BORCS5: variants seen among roughly 807,000 people sequenced by gnomAD.
The protein encoded by BORCS5 is BLOC-1-related complex subunit 5.
A neutral mutation model predicts 22.1 loss-of-function variants in BORCS5; 17 were observed. That is an observed-to-expected ratio of 0.77 (90% CI 0.53 to 1.15). The LOEUF is 1.15. BORCS5 is among the 50% of genes most tolerant of loss of function. The probability of loss-of-function intolerance (pLI) is 0.00; values close to 1 mark genes in which losing one functional copy is unlikely to be tolerated. For missense variants in BORCS5, 247 were observed against 253.2 expected (o/e 0.98, Z 0.17); for synonymous variants, 117 against 99.8 (o/e 1.17, Z -1.03).
At chr12:12,448,359 G>T (rs1049366718) in intron 3 of BORCS5, among the ~76,000 whole-genome samples, 1 of 152,046 alleles carries the variant, frequency 6.6e-6, no homozygotes, top group Non-Finnish European at 1.5e-5. Flanking sequence ...GGGATTACAG[G>T]TGCCTGCCAC....
At chr12:12,367,147 AG>A (rs1387858524) in intron 2 of BORCS5, among the ~76,000 whole-genome samples, 1 of 152,258 alleles carries the variant, frequency 6.6e-6, no homozygotes, top group Non-Finnish European at 1.5e-5. Flanking sequence ...TGGAACATTG[AG>A]AACTGGAACC....
chr12:12,438,407 T>A (rs1451364041), intron 3 of BORCS5, among the ~76,000 whole-genome samples: 2 of 133,506 alleles, frequency 1.5e-5, no homozygotes, highest in Non-Finnish European at 3.2e-5. Context: ...AAACCTCTAA[T>A]CCATATCTGT....
intron 3 of BORCS5, among the ~76,000 whole-genome samples, chr12:12,439,495 A>G (rs1035561541): frequency 5.3e-5 from 8 of 151,886 alleles, no homozygotes; most frequent in African/African-American, 1.9e-4. Flanking sequence ...ACAAACAGGC[A>G]TGGTGGTGCG....
chr12:12,368,281 G>T (rs201423854), intron 2 of BORCS5, among the ~76,000 whole-genome samples: 2,984 of 129,590 alleles, frequency 0.023, 106 homozygotes, highest in East Asian at 0.18. Flanking sequence ...ATTCTGTTTT[G>T]TTTTTTTTTT....
At chr12:12,389,937 C>T (rs530731089) in intron 2 of BORCS5, among the ~76,000 whole-genome samples, 1 of 152,230 alleles carries the variant, frequency 6.6e-6, no homozygotes, top group East Asian at 1.9e-4. Context: ...AGGCACTGCG[C>T]CTGGCCTCAA....
chr12:12,454,635 A>G (rs1942967655), intron 3 of BORCS5, among the ~76,000 whole-genome samples: 1 of 152,228 alleles, frequency 6.6e-6, no homozygotes, highest in Non-Finnish European at 1.5e-5. Context: ...TTTATATAAA[A>G]TATGTAGCAG....
At chr12:12,388,795 G>C (rs1285226024) in intron 2 of BORCS5, among the ~76,000 whole-genome samples, 1 of 151,150 alleles carries the variant, frequency 6.6e-6, no homozygotes, top group East Asian at 1.9e-4. Context: ...TACTGGAAGA[G>C]ATTGAAACAG....
At chr12:12,411,253 A>T (rs1941724856) in intron 2 of BORCS5, among the ~76,000 whole-genome samples, 1 of 152,200 alleles carries the variant, frequency 6.6e-6, no homozygotes, top group Admixed American at 6.5e-5. Flanking sequence ...CGGAACTTCC[A>T]ACACTATGTT....
chr12:12,427,919 C>T (rs1193668440), intron 2 of BORCS5, among the ~76,000 whole-genome samples: 1 of 152,206 alleles, frequency 6.6e-6, no homozygotes, highest in South Asian at 2.1e-4. Context: ...TCCCCACCTC[C>T]TAATACCATT....
intron 2 of BORCS5, among the ~76,000 whole-genome samples, chr12:12,422,677 A>G (rs1365183056): frequency 1.3e-5 from 2 of 152,176 alleles, no homozygotes; most frequent in Non-Finnish European, 2.9e-5. Context: ...TTCATAACAT[A>G]GAAAAACTCT....
chr12:12,452,995 G>A lies in BORCS5; in HGVS notation c.361-12551G>A, dbSNP rs75987313. Among the ~76,000 whole-genome samples the A allele has an allele frequency of 1.9e-3, 288 of 152,276 alleles. 1 individual carries two copies. The highest frequency in any genetic ancestry group is 6.6e-3 in the African/African-American group (276 of 41,550). On this transcript the variant is annotated intron_variant, in intron 3 of 3. Coordinates refer to ENST00000314565, the MANE Select transcript of BORCS5 (RefSeq NM_058169.6). Reference sequence around the variant, plus strand: ...TGTGGCAATGGGCCTCCTACTCTTCGGAGTGGAGACAGCTAATACCATGAG... The same window carrying A: ...TGTGGCAATGGGCCTCCTACTCTTCAGAGTGGAGACAGCTAATACCATGAG...
chr12:12,443,957 C>T (rs1307703094), intron 3 of BORCS5, among the ~76,000 whole-genome samples: 1 of 152,186 alleles, frequency 6.6e-6, no homozygotes, highest in East Asian at 1.9e-4. Context: ...GTCTCTAAGC[C>T]AACTAGCCAG....
At chr12:12,421,478 C>T (rs546984821) in intron 2 of BORCS5, among the ~76,000 whole-genome samples, 6 of 152,180 alleles carry the variant, frequency 3.9e-5, no homozygotes, top group East Asian at 1.9e-4. Context: ...ATTTTCGCAT[C>T]GATGTTCATC....
intron 2 of BORCS5, among the ~76,000 whole-genome samples, chr12:12,400,476 C>G (rs773686470): frequency 2.0e-5 from 3 of 151,890 alleles, no homozygotes; most frequent in Non-Finnish European, 2.9e-5. Context: ...TGCAGAGGGG[C>G]CTTAGACCCA....
intron 3 of BORCS5, among the ~76,000 whole-genome samples, chr12:12,449,092 G>A (rs1942852317): frequency 6.6e-6 from 1 of 152,196 alleles, no homozygotes. Flanking sequence ...GGAGAATGGG[G>A]CTTTTTAACA....
At chr12:12,430,105 C>T (rs1942382868) in intron 2 of BORCS5, among the ~76,000 whole-genome samples, 1 of 151,348 alleles carries the variant, frequency 6.6e-6, no homozygotes, top group South Asian at 2.1e-4. Flanking sequence ...TCCCTGTCTT[C>T]AACCAGCTCA....
intron 3 of BORCS5, among the ~76,000 whole-genome samples, chr12:12,446,928 A>G (rs780628450): frequency 3.9e-5 from 6 of 152,190 alleles, no homozygotes; most frequent in Non-Finnish European, 7.4e-5. Flanking sequence ...AGTCATTTAT[A>G]TCAAATGCAG....
At chr12:12,370,099 T>TAAACAC (rs1863493179) in intron 2 of BORCS5, among the ~76,000 whole-genome samples, 1 of 145,300 alleles carries the variant, frequency 6.9e-6, no homozygotes, top group Non-Finnish European at 1.5e-5. Context: ...AGTGGTTTTA[T>TAAACAC]ACACACACAC....
Position 12,400,713 on chromosome 12 carries a change from C to T in BORCS5, c.203-34915C>T, listed in dbSNP as rs145452071. Reference sequence around the variant, plus strand: ...AAAAATACACGTTTCAAATAAACAACGCCCCCTCCCCATCCTTTATATCCT... The same window carrying T: ...AAAAATACACGTTTCAAATAAACAATGCCCCCTCCCCATCCTTTATATCCT... On this transcript the variant is annotated intron_variant, in intron 2 of 3. Transcript: ENST00000314565. Among the ~76,000 whole-genome samples the T allele has an allele frequency of 1.3e-3, 199 of 152,218 alleles. 1 individual carries two copies. The highest frequency in any genetic ancestry group is 4.0e-3 in the African/African-American group (168 of 41,526).
Sources: gnomAD v4.1 joint callset for allele counts (sites outside exome capture counted in the v4.1 genomes callset) on GRCh38, gnomAD v4.1.1 for gene constraint, MANE v1.5 for transcripts, NCBI Gene and HGNC (gene_info 2026-07-23, HGNC 2026-07-21) for gene names.